DRC11: variants seen among roughly 807,000 people sequenced by gnomAD.
DRC11 encodes dynein regulatory complex subunit 11.
the DRC11 span, among the ~76,000 whole-genome samples, chr2:236,335,102 C>G: frequency 1.3e-5 from 2 of 152,182 alleles, no homozygotes; most frequent in African/African-American, 4.8e-5. This position sits in a 1 kb window ranked among gnomAD's most constrained non-coding sequence, Gnocchi z 5.6. Context: ...TCTGTCCCCA[C>G]GTGGCCCGGA....
the DRC11 span, among the ~76,000 whole-genome samples, chr2:236,388,843 G>T: frequency 6.6e-6 from 1 of 151,612 alleles, no homozygotes; most frequent in African/African-American, 2.4e-5. Flanking sequence ...GGTTTTTGGT[G>T]TGGATGTCCT....
At chr2:236,432,188 T>A in the DRC11 span, among the ~76,000 whole-genome samples, 2 of 152,188 alleles carry the variant, frequency 1.3e-5, no homozygotes, top group Non-Finnish European at 2.9e-5. Context: ...ATGTTGAACA[T>A]CTTTTCATGT....
the DRC11 span, among the ~76,000 whole-genome samples, chr2:236,349,661 G>A: frequency 6.6e-6 from 1 of 152,194 alleles, no homozygotes; most frequent in African/African-American, 2.4e-5. This position sits in a 1 kb window ranked among gnomAD's most constrained non-coding sequence, Gnocchi z 5.5. Context: ...CTTATAAGTG[G>A]CAGCTAAACA....
the DRC11 span, chr2:236,488,147 T>C: frequency 6.2e-7 from 1 of 1,608,002 alleles, no homozygotes; most frequent in Non-Finnish European, 8.5e-7. Context: ...CAATCTGGAT[T>C]AATTTAACAG....
chr2:236,411,409 A>G, the DRC11 span, among the ~76,000 whole-genome samples: 1 of 150,716 alleles, frequency 6.6e-6, no homozygotes, highest in Non-Finnish European at 1.5e-5. Flanking sequence ...GGTGCTGGAG[A>G]GGATGTGGAG....
chr2:236,322,882 T>TAC, the DRC11 span, among the ~76,000 whole-genome samples: 2 of 152,228 alleles, frequency 1.3e-5, no homozygotes, highest in African/African-American at 4.8e-5. Flanking sequence ...GCCTGGTAGC[T>TAC]TAGTGTGACT....
At chr2:236,425,905 G>GA in the DRC11 span, among the ~76,000 whole-genome samples, 9 of 151,864 alleles carry the variant, frequency 5.9e-5, 1 homozygote, top group African/African-American at 2.2e-4. Context: ...TTCTTCCATT[G>GA]TGTGTTCTTG....
At chr2:236,352,495 G>A in the DRC11 span, among the ~76,000 whole-genome samples, 1 of 152,160 alleles carries the variant, frequency 6.6e-6, no homozygotes, top group Non-Finnish European at 1.5e-5. The surrounding 1 kb of genome is among the most constrained non-coding windows in gnomAD (Gnocchi z 7.0). Context: ...TGCAGGAAGT[G>A]TGCAGGCCAG....
At chr2:236,457,069 C>T in the DRC11 span, among the ~76,000 whole-genome samples, 1 of 152,162 alleles carries the variant, frequency 6.6e-6, no homozygotes, top group African/African-American at 2.4e-5. The surrounding 1 kb of genome is among the most constrained non-coding windows in gnomAD (Gnocchi z 4.7). Context: ...ACAACCAAGA[C>T]CCCTTTACGA....
the DRC11 span, among the ~76,000 whole-genome samples, chr2:236,385,909 A>C: frequency 7.9e-6 from 1 of 126,072 alleles, no homozygotes; most frequent in Non-Finnish European, 1.6e-5. Context: ...TTCTGCATCT[A>C]TTGAGATAAT....
chr2:236,331,314 A>T, the DRC11 span: 1 of 1,311,316 alleles, frequency 7.6e-7, no homozygotes, highest in Non-Finnish European at 1.1e-6. This position sits in a 1 kb window ranked among gnomAD's most constrained non-coding sequence, Gnocchi z 4.8. Context: ...AGGCAGCGTG[A>T]GGAGTGTCTG....
chr2:236,326,792 TTGTGTGTGTGTGTG>T, the DRC11 span, among the ~76,000 whole-genome samples: 1,236 of 144,078 alleles, frequency 8.6e-3, 14 homozygotes, highest in Middle Eastern at 0.032. Context: ...TTCAGATTTG[TTGTGTGTGTGTGTG>T]TGTGTGTGTG....
At chr2:236,324,909 G>A in the DRC11 span, 1 of 656,480 alleles carries the variant, frequency 1.5e-6, no homozygotes, top group Non-Finnish European at 2.7e-6. The surrounding 1 kb of genome is among the most constrained non-coding windows in gnomAD (Gnocchi z 5.7). Flanking sequence ...GGCATTTAAG[G>A]TATGCTTGAC....
chr2:236,350,868 C>T, the DRC11 span, among the ~76,000 whole-genome samples: 4 of 152,170 alleles, frequency 2.6e-5, no homozygotes, highest in African/African-American at 9.6e-5. The surrounding 1 kb of genome is among the most constrained non-coding windows in gnomAD (Gnocchi z 5.2). Flanking sequence ...CTGCTGGTCA[C>T]AGGACCCCTG....
chr2:236,345,520 A>G, the DRC11 span, among the ~76,000 whole-genome samples: 23,878 of 152,106 alleles, frequency 0.16, 1,909 homozygotes, highest in Admixed American at 0.19. Flanking sequence ...TTTGCTTACC[A>G]TGAGAAAAAC....
chr2:236,322,388 C>T, the DRC11 span, among the ~76,000 whole-genome samples: 1 of 150,118 alleles, frequency 6.7e-6, no homozygotes, highest in Admixed American at 6.6e-5. Context: ...GTGCCCGCCA[C>T]CCCACCCGGC....
the DRC11 span, among the ~76,000 whole-genome samples, chr2:236,491,809 C>G: frequency 6.6e-6 from 1 of 152,130 alleles, no homozygotes; most frequent in Non-Finnish European, 1.5e-5. Flanking sequence ...TAGCTGGGAG[C>G]AGGGGCACAG....
the DRC11 span, among the ~76,000 whole-genome samples, chr2:236,336,428 TGCCACCACGGCCACCACCAC>T: frequency 1.7e-5 from 1 of 57,668 alleles, no homozygotes; most frequent in Non-Finnish European, 3.7e-5. The surrounding 1 kb of genome is among the most constrained non-coding windows in gnomAD (Gnocchi z 7.3). Flanking sequence ...CCACCACCAC[TGCCACCACGGCCACCACCAC>T]TGCCACCACG....
the DRC11 span, among the ~76,000 whole-genome samples, chr2:236,388,864 T>TA: frequency 6.6e-6 from 1 of 152,014 alleles, no homozygotes; most frequent in African/African-American, 2.4e-5. Context: ...TTCTGTTTGT[T>TA]AGTTTTCCTT....
Sources: gnomAD v4.1 joint callset for allele counts (sites outside exome capture counted in the v4.1 genomes callset) on GRCh38, gnomAD v4.1.1 for gene constraint, Gnocchi (gnomAD v3.1) non-coding constraint, MANE v1.5 for transcripts, NCBI Gene and HGNC (gene_info 2026-07-23, HGNC 2026-07-21) for gene names.